The following RBFOX1 variants were observed in gnomAD, a reference collection of about 807,000 sequenced individuals.
RBFOX1 encodes RNA binding fox-1 homolog 1.
A neutral mutation model predicts 57.7 loss-of-function variants in RBFOX1; 8 were observed. The observed-to-expected ratio is 0.14, with a 90% CI of 0.08 to 0.25. The LOEUF (loss-of-function observed/expected upper bound fraction) is 0.25, where lower values mean the gene tolerates loss of function less well. Ranked by LOEUF, RBFOX1 falls within the 10% of genes least tolerant of loss-of-function variation. The probability of loss-of-function intolerance (pLI) is 1.00; values close to 1 mark genes in which losing one functional copy is unlikely to be tolerated. For missense variants in RBFOX1, 611 were observed against 548.5 expected (o/e 1.11, Z -1.14); for synonymous variants, 326 against 222.4 (o/e 1.47, Z -4.15).
chr16:5,377,176 T>C (rs948124197), intron 1 of RBFOX1, among the ~76,000 whole-genome samples: 2 of 151,502 alleles, frequency 1.3e-5, no homozygotes, highest in Admixed American at 1.3e-4. Flanking sequence ...GGGATAAGCC[T>C]GGGGATGCAA....
intron 2 of RBFOX1, among the ~76,000 whole-genome samples, chr16:5,547,602 A>G (rs1372456482): frequency 6.6e-6 from 1 of 152,290 alleles, no homozygotes; most frequent in South Asian, 2.1e-4. Context: ...GTTGACAAGG[A>G]TGGGAAGTGG....
At chr16:7,352,572 G>A (rs1422666464) in intron 4 of RBFOX1, among the ~76,000 whole-genome samples, 1 of 152,082 alleles carries the variant, frequency 6.6e-6, no homozygotes, top group Non-Finnish European at 1.5e-5. Context: ...CCATTCTCCA[G>A]GAAGAGTCAT....
chr16:7,521,869 T>C (rs1042167963), intron 5 of RBFOX1, among the ~76,000 whole-genome samples: 1 of 152,170 alleles, frequency 6.6e-6, no homozygotes. Flanking sequence ...TTGGAACGTG[T>C]CCATCAGCTT....
At chr16:6,702,131 C>T (rs900331245) in intron 3 of RBFOX1, among the ~76,000 whole-genome samples, 1 of 152,176 alleles carries the variant, frequency 6.6e-6, no homozygotes, top group Non-Finnish European at 1.5e-5. Flanking sequence ...TGGTAAATCA[C>T]TCATTACAGC....
intron 2 of RBFOX1, among the ~76,000 whole-genome samples, chr16:5,509,558 A>C (rs1340148891): frequency 1.3e-5 from 2 of 152,304 alleles, no homozygotes; most frequent in East Asian, 3.9e-4. Flanking sequence ...CAGAGGGTGT[A>C]GGTGTTGTTA....
chr16:5,846,112 G>A (rs145484057), intron 3 of RBFOX1, among the ~76,000 whole-genome samples: 2,780 of 152,072 alleles, frequency 0.018, 42 homozygotes, highest in Non-Finnish European at 0.03. Context: ...AACCTTGGAG[G>A]CGGAGGTTGC....
chr16:7,215,969 C>T (rs538676109), intron 4 of RBFOX1, among the ~76,000 whole-genome samples: 54 of 152,258 alleles, frequency 3.5e-4, no homozygotes, highest in Admixed American at 5.9e-4. Flanking sequence ...GTGATCCGCA[C>T]GCCTCGGCCT....
intron 1 of RBFOX1, among the ~76,000 whole-genome samples, chr16:5,448,244 T>C (rs2068312736): frequency 6.6e-6 from 1 of 152,112 alleles, no homozygotes; most frequent in South Asian, 2.1e-4. Context: ...GTTTTCACCT[T>C]CACTAGACCC....
intron 3 of RBFOX1, among the ~76,000 whole-genome samples, chr16:6,838,744 G>A (rs2093284427): frequency 1.3e-5 from 2 of 152,132 alleles, no homozygotes; most frequent in East Asian, 1.9e-4. Flanking sequence ...CATTTGCTTA[G>A]CATCCTCCAG....
chr16:6,054,237 A>G (rs541981956), intron 1 of RBFOX1, among the ~76,000 whole-genome samples: 13 of 152,264 alleles, frequency 8.5e-5, no homozygotes, highest in African/African-American at 3.1e-4. Context: ...AACATAATAT[A>G]ATATGTTTTT....
intron 2 of RBFOX1, among the ~76,000 whole-genome samples, chr16:6,371,408 C>T (rs141592417): frequency 9.5e-4 from 144 of 152,134 alleles, no homozygotes; most frequent in African/African-American, 3.3e-3. Context: ...GTCATGGATT[C>T]GTGTTTTTAT....
chr16:5,410,680 C>A (rs151076716), intron 1 of RBFOX1, among the ~76,000 whole-genome samples: 2 of 152,218 alleles, frequency 1.3e-5, no homozygotes, highest in Non-Finnish European at 2.9e-5. Flanking sequence ...TCCTGTCAAA[C>A]AAAATCTATA....
chr16:5,753,345 C>G (rs977710386), intron 3 of RBFOX1, among the ~76,000 whole-genome samples: 1 of 152,088 alleles, frequency 6.6e-6, no homozygotes, highest in Non-Finnish European at 1.5e-5. Flanking sequence ...GAATTTTACA[C>G]TATGTGCCCT....
At chr16:7,318,833 G>C (rs1212360811) in intron 4 of RBFOX1, among the ~76,000 whole-genome samples, 1 of 152,078 alleles carries the variant, frequency 6.6e-6, no homozygotes, top group African/African-American at 2.4e-5. Context: ...GTGGTGAGCC[G>C]AAGTTCTGGC....
In RBFOX1 at chr16:6,751,000, T is replaced by A. The variant is rs115055809; in HGVS notation, c.-16+96350T>A. ...GCCAACTGGCCAAAAAGAGGAAGGATCATTAGAAACAGAAACAGCATGTTC... is the reference window on the plus strand; with the variant it reads ...GCCAACTGGCCAAAAAGAGGAAGGAACATTAGAAACAGAAACAGCATGTTC... On this transcript the variant is annotated intron_variant, in intron 3 of 15. Transcript: ENST00000550418. 7.7e-3 allele frequency among the ~76,000 whole-genome samples: 1,170 copies of A among 151,824 alleles called. 14 individuals are homozygous for A. The highest frequency in any genetic ancestry group is 0.025 in the African/African-American group (1,055 of 41,374).
At chr16:7,624,877 C>T (rs574529538) in intron 10 of RBFOX1, among the ~76,000 whole-genome samples, 5 of 152,126 alleles carry the variant, frequency 3.3e-5, no homozygotes, top group African/African-American at 9.6e-5. Context: ...GGTTTTGCGC[C>T]GATTGGATTA....
intron 4 of RBFOX1, among the ~76,000 whole-genome samples, chr16:5,922,877 C>T (rs181529931): frequency 9.2e-5 from 14 of 152,352 alleles, no homozygotes; most frequent in Admixed American, 8.5e-4. Flanking sequence ...AACCACTGGG[C>T]TTGGCAGACA....
At chr16:5,433,247 G>C (rs1049049972) in intron 1 of RBFOX1, among the ~76,000 whole-genome samples, 3 of 152,186 alleles carry the variant, frequency 2.0e-5, no homozygotes, top group African/African-American at 7.2e-5. Context: ...GGAGGAGTTT[G>C]TGGACATCTT....
chr16:7,122,321 T>C (rs2067370329), intron 4 of RBFOX1, among the ~76,000 whole-genome samples: 1 of 152,048 alleles, frequency 6.6e-6, no homozygotes, highest in African/African-American at 2.4e-5. Context: ...AAACAAACTA[T>C]CTTAATAATG....
Sources: gnomAD v4.1 joint callset for allele counts (sites outside exome capture counted in the v4.1 genomes callset) on GRCh38, gnomAD v4.1.1 for gene constraint, MANE v1.5 for transcripts, NCBI Gene and HGNC (gene_info 2026-07-23, HGNC 2026-07-21) for gene names.